RGS17: variants seen among roughly 807,000 people sequenced by gnomAD.
RGS17 encodes regulator of G-protein signaling 17.
In RGS17, 12 loss-of-function variants were observed where a neutral mutation model predicts 25.5. The ratio of observed to expected loss-of-function variants is 0.47; its 90% confidence interval spans 0.30 to 0.76. RGS17 has a LOEUF of 0.76. Among genes scored for constraint, RGS17 ranks in the 30% least tolerant of loss-of-function variants. RGS17 has a pLI of 0.07. For synonymous variants in RGS17, 71 were observed against 76.9 expected (o/e 0.92, Z 0.40); for missense variants, 196 against 242.2 (o/e 0.81, Z 1.27).
chr6:153,075,093 T>C (rs1776859692), intron 1 of RGS17, among the ~76,000 whole-genome samples: 1 of 152,206 alleles, frequency 6.6e-6, no homozygotes, highest in Admixed American at 6.5e-5. Flanking sequence ...AGTTCATACA[T>C]TTTATTTTGT....
At chr6:153,095,530 T>C (rs1435225082) in intron 1 of RGS17, among the ~76,000 whole-genome samples, 1 of 152,142 alleles carries the variant, frequency 6.6e-6, no homozygotes, top group Non-Finnish European at 1.5e-5. Context: ...ATCTGTAATA[T>C]AGCAGGCTTT....
intron 4 of RGS17, among the ~76,000 whole-genome samples, chr6:153,021,720 T>C (rs1353593824): frequency 6.6e-6 from 1 of 152,176 alleles, no homozygotes; most frequent in Non-Finnish European, 1.5e-5. Flanking sequence ...TCTGTCTCTG[T>C]TTCTTTGTGA....
rs1301964404 is a variant in RGS17 at position 153,009,184 on chromosome 6, C to T, written c.*2390G>A. The T allele has an allele frequency of 6.6e-6, 1 of 151,994 alleles. No individual in the cohort carries two copies. Among genetic ancestry groups the T allele is most frequent in the Non-Finnish European group, 1.5e-5 (1 of 67,952 alleles). 9.4% of individuals were successfully genotyped at this position (151,994 alleles called of 1,614,324 possible). On this transcript the variant is annotated 3_prime_UTR_variant, in exon 5 of 5. Coordinates refer to ENST00000206262, the MANE Select transcript of RGS17 (RefSeq NM_012419.5). ...CAAACAGACAATTCATCTAATAGTC[C>T]AAAGTATCTTATAAAGATAACTTAT...
intron 1 of RGS17, among the ~76,000 whole-genome samples, chr6:153,075,014 A>C (rs947177793): frequency 6.6e-6 from 1 of 152,190 alleles, no homozygotes; most frequent in Admixed American, 6.5e-5. Flanking sequence ...TACTAAGAGC[A>C]AGATTGGGCT....
intron 1 of RGS17, among the ~76,000 whole-genome samples, chr6:153,123,840 C>G (rs556247248): frequency 1.3e-5 from 2 of 152,160 alleles, no homozygotes; most frequent in East Asian, 1.9e-4. Flanking sequence ...ACAATGATTA[C>G]GCAGGGTAGC....
At chr6:153,077,713 A>T (rs139295643) in intron 1 of RGS17, among the ~76,000 whole-genome samples, 1 of 152,206 alleles carries the variant, frequency 6.6e-6, no homozygotes, top group East Asian at 1.9e-4. Flanking sequence ...ATTATCATTG[A>T]CAACAAAACT....
intron 1 of RGS17, among the ~76,000 whole-genome samples, chr6:153,048,339 AC>A (rs1481149068): frequency 6.6e-6 from 1 of 152,120 alleles, no homozygotes; most frequent in Non-Finnish European, 1.5e-5. Flanking sequence ...CAAATGTGAG[AC>A]TTCTTAACTG....
intron 1 of RGS17, among the ~76,000 whole-genome samples, chr6:153,071,241 T>C (rs1271212776): frequency 1.3e-5 from 2 of 151,228 alleles, no homozygotes; most frequent in African/African-American, 2.4e-5. Flanking sequence ...CACATACACA[T>C]AAACTATAAG....
chr6:153,108,316 T>C (rs1455206597), intron 1 of RGS17, among the ~76,000 whole-genome samples: 11 of 152,218 alleles, frequency 7.2e-5, no homozygotes, highest in African/African-American at 2.4e-5. Context: ...CTAAATGTTC[T>C]GGTATATCTC....
At chr6:153,110,179 C>T (rs917449742) in intron 1 of RGS17, among the ~76,000 whole-genome samples, 1 of 152,160 alleles carries the variant, frequency 6.6e-6, no homozygotes, top group African/African-American at 2.4e-5. Flanking sequence ...TACTACCCAC[C>T]TCAGGCTGCT....
chr6:153,084,679 A>G (rs539179587), intron 1 of RGS17, among the ~76,000 whole-genome samples: 66 of 152,330 alleles, frequency 4.3e-4, no homozygotes, highest in African/African-American at 1.4e-3. Context: ...AGGTGGACAG[A>G]CAGCTTTAGC....
intron 1 of RGS17, among the ~76,000 whole-genome samples, chr6:153,115,166 G>A (rs1037669767): frequency 3.3e-5 from 5 of 152,188 alleles, no homozygotes; most frequent in Non-Finnish European, 7.3e-5. Context: ...TAACGTGATT[G>A]TATATTTAGA....
intron 1 of RGS17, among the ~76,000 whole-genome samples, chr6:153,102,775 C>A (rs1777324258): frequency 6.6e-6 from 1 of 152,190 alleles, no homozygotes; most frequent in South Asian, 2.1e-4. Flanking sequence ...AGGCCCAAAG[C>A]ATTTTGTTGT....
At chr6:153,061,778 TA>T (rs1224089468) in intron 1 of RGS17, among the ~76,000 whole-genome samples, 14 of 152,370 alleles carry the variant, frequency 9.2e-5, no homozygotes, top group African/African-American at 2.9e-4. Flanking sequence ...ACCTATATGT[TA>T]TTTTTTTTAC....
chr6:153,094,082 C>CT (rs11371951), intron 1 of RGS17, among the ~76,000 whole-genome samples: 47,698 of 146,380 alleles, frequency 0.33, 8,025 homozygotes, highest in East Asian at 0.66. Context: ...CTATACTGAA[C>CT]TTTTTTTTTT....
intron 1 of RGS17, among the ~76,000 whole-genome samples, chr6:153,066,897 G>A (rs1409975269): frequency 6.6e-6 from 1 of 151,912 alleles, no homozygotes; most frequent in East Asian, 1.9e-4. Context: ...AAAATTAGCG[G>A]GGCGTGGTGG....
At chr6:153,122,041 T>C (rs1277029676) in intron 1 of RGS17, among the ~76,000 whole-genome samples, 3 of 152,180 alleles carry the variant, frequency 2.0e-5, no homozygotes, top group South Asian at 2.1e-4. Context: ...AGTTACATAA[T>C]AACGTATTGA....
chr6:153,039,526 G>A (rs1379871260), intron 2 of RGS17, among the ~76,000 whole-genome samples: 2 of 152,118 alleles, frequency 1.3e-5, no homozygotes, highest in African/African-American at 4.8e-5. Flanking sequence ...GGTCTCTGAA[G>A]TTCTAATTTT....
intron 1 of RGS17, among the ~76,000 whole-genome samples, chr6:153,050,024 T>C (rs1276516068): frequency 6.6e-6 from 1 of 152,294 alleles, no homozygotes; most frequent in East Asian, 1.9e-4. Context: ...TGGCTTAAAT[T>C]AGAGTATGCA....
Sources: gnomAD v4.1 joint callset for allele counts (sites outside exome capture counted in the v4.1 genomes callset) on GRCh38, gnomAD v4.1.1 for gene constraint, MANE v1.5 for transcripts, NCBI Gene and HGNC (gene_info 2026-07-23, HGNC 2026-07-21) for gene names.